CLEC12A: variants seen among roughly 807,000 people sequenced by gnomAD.
CLEC12A encodes the protein C-type lectin domain family 12 member A.
Under a neutral mutation model 26.5 loss-of-function variants are expected in CLEC12A, and 22 were observed. That is an observed-to-expected ratio of 0.83 (90% CI 0.59 to 1.19). CLEC12A has a LOEUF of 1.19. Ranked by LOEUF, CLEC12A falls within the 50% of genes most tolerant of loss-of-function variation. The pLI, the probability that CLEC12A is intolerant of heterozygous loss-of-function variation, is 0.00. For synonymous variants in CLEC12A, 119 were observed against 101.9 expected (o/e 1.17, Z -1.01); for missense variants, 353 against 315.6 (o/e 1.12, Z -0.90).
At position 9,985,588 on chromosome 12, in the gene CLEC12A, A is replaced by T; in HGVS notation, c.*562A>T. 2 of 398,150 alleles carry T rather than the reference A, an allele frequency of 5.0e-6. No homozygotes were observed. The highest frequency in any genetic ancestry group is 8.9e-6 in the Non-Finnish European group (2 of 225,778). 24.7% of individuals were successfully genotyped at this position (398,150 alleles called of 1,614,324 possible). ...AGTAAAAGCCAATAAACAAAAACGA[A>T]AAGGCAAGTTACGAGACTGACTTAT... is the stretch of plus-strand genomic sequence containing the variant. On this transcript the variant is annotated 3_prime_UTR_variant, in exon 6 of 6. Transcript: ENST00000304361.
intron 5 of CLEC12A, among the ~76,000 whole-genome samples, chr12:9,982,610 T>A (rs952810347): frequency 1.3e-5 from 2 of 152,150 alleles, no homozygotes; most frequent in Non-Finnish European, 2.9e-5. Context: ...GCAATGATAC[T>A]TTTGTTATAA....
downstream of CLEC12A, chr12:9,997,358 T>C: frequency 7.5e-7 from 1 of 1,330,372 alleles, no homozygotes; most frequent in Non-Finnish European, 1.0e-6. Flanking sequence ...TGAATTTTCA[T>C]TTCCTTAACT....
chr12:9,967,979 A>G (rs1864004784), upstream of CLEC12A, among the ~76,000 whole-genome samples: 1 of 152,172 alleles, frequency 6.6e-6, no homozygotes, highest in Non-Finnish European at 1.5e-5. Flanking sequence ...CTATGAATAA[A>G]ACGCGTCTCC....
chr12:9,993,130 C>T (rs1439336582), intron 4 of CLEC12A: 2 of 1,605,138 alleles, frequency 1.2e-6, no homozygotes, highest in Admixed American at 3.3e-5. Context: ...GTTATCCTGT[C>T]CACCTCTTTG....
Position 9,985,134 on chromosome 12 carries a change from G to A in CLEC12A, c.*108G>A. On this transcript the variant is annotated 3_prime_UTR_variant, in exon 6 of 6. Transcript: ENST00000304361. ...TTAGTTGAGTTTGTCTGAAGACCTGGGATTTTATCATGCAGATGAAACATC... is the reference window on the plus strand; with the variant it reads ...TTAGTTGAGTTTGTCTGAAGACCTGAGATTTTATCATGCAGATGAAACATC... 1 of 1,217,164 alleles carries A rather than the reference G, an allele frequency of 8.2e-7. No individual in the cohort carries two copies. Among genetic ancestry groups the A allele is most frequent in the Non-Finnish European group, 1.1e-6 (1 of 945,836 alleles). 75.4% of individuals were successfully genotyped at this position (1,217,164 alleles called of 1,614,324 possible).
At chr12:10,005,834 C>A in the CLEC12A span, among the ~76,000 whole-genome samples, 1 of 152,050 alleles carries the variant, frequency 6.6e-6, no homozygotes, top group Non-Finnish European at 1.5e-5. Context: ...GTCTTTGATA[C>A]CTCTGGCTTT....
At chr12:9,979,863 GA>G (rs2137182940) in intron 3 of CLEC12A, among the ~76,000 whole-genome samples, 1 of 151,834 alleles carries the variant, frequency 6.6e-6, no homozygotes, top group South Asian at 2.1e-4. Context: ...CTTTACAGGT[GA>G]CTTCATTCTT....
In CLEC12A at chr12:9,971,647, G is replaced by T; in HGVS notation, c.51G>T (p.Glu17Asp). 1 of 1,610,318 alleles carries T rather than the reference G, an allele frequency of 6.2e-7. No homozygotes were observed. Among genetic ancestry groups the T allele is most frequent in the Non-Finnish European group, 8.5e-7 (1 of 1,178,168 alleles). The change falls in exon 1 of 6, where the codon GAG (glutamate) becomes GAT (aspartate). Residue 17 changes from glutamate (E) to aspartate (D), a missense_variant. Transcript: ENST00000304361. ...YADLQFQNSSEMEKIPEIGKF... is the reference protein window; with the variant it reads ...YADLQFQNSSDMEKIPEIGKF... ...ATCTTCAATTCCAGAACTCCAGTGA[G>T]ATGGAAAAAATCCCAGAAATTGGCA...
downstream of CLEC12A, chr12:9,997,365 A>G: frequency 1.6e-6 from 2 of 1,263,238 alleles, no homozygotes; most frequent in Non-Finnish European, 2.2e-6. Context: ...TCATTTCCTT[A>G]ACTTTGCCAA....
At chr12:9,993,394 A>T in intron 4 of CLEC12A, 11 of 630,354 alleles carry the variant, frequency 1.7e-5, no homozygotes, top group Non-Finnish European at 2.7e-5. Flanking sequence ...TGAGGAAAAT[A>T]GGAAAAAAAA....
the CLEC12A span, among the ~76,000 whole-genome samples, chr12:10,001,472 T>C: frequency 6.6e-6 from 1 of 152,350 alleles, no homozygotes; most frequent in South Asian, 2.1e-4. Flanking sequence ...CTGAGAGTCT[T>C]ATATCTTATC....
chr12:9,976,989 G>A (rs1199891740), intron 1 of CLEC12A, among the ~76,000 whole-genome samples: 1 of 151,618 alleles, frequency 6.6e-6, no homozygotes, highest in African/African-American at 2.4e-5. Flanking sequence ...CCCCAGCCGC[G>A]TGAAACTGTG....
downstream of CLEC12A, chr12:9,999,262 C>T: frequency 5.9e-6 from 3 of 508,032 alleles, no homozygotes; most frequent in East Asian, 3.0e-5. Context: ...TTATTGTTTT[C>T]CAGGAAGCTT....
chr12:9,954,973 A>T (rs1203431303), intron 1 of CLEC12A, among the ~76,000 whole-genome samples: 2 of 152,250 alleles, frequency 1.3e-5, no homozygotes, highest in Non-Finnish European at 2.9e-5. Context: ...CCCAGCCAAG[A>T]ACAAAATTAT....
At chr12:9,992,329 C>T (rs1274845328) in intron 4 of CLEC12A, 1 of 152,098 alleles carries the variant, frequency 6.6e-6, no homozygotes. Flanking sequence ...TTCTCTAGCG[C>T]AGAAAATTAC....
downstream of CLEC12A, chr12:9,998,973 G>A: frequency 1.1e-6 from 1 of 946,774 alleles, no homozygotes; most frequent in Non-Finnish European, 1.7e-6. Context: ...AGTAGAAAAA[G>A]AAAGAATTGA....
At position 9,979,486 on chromosome 12, in the gene CLEC12A, C is replaced by T. The variant is rs1864467623; in HGVS notation, c.341C>T (p.Ala114Val). ...CTCTCCACCACACTGCAAACAATAGCCACCAAATTATGTCGTGAGCTATAT... is the reference window on the plus strand; with the variant it reads ...CTCTCCACCACACTGCAAACAATAGTCACCAAATTATGTCGTGAGCTATAT... ...RNLSTTLQTI[A>V]TKLCRELYSK... The change falls in exon 3 of 6, where the codon GCC becomes GTC. Residue 114 changes from alanine (A) to valine (V), a missense_variant. Transcript: ENST00000304361. 4 of 1,613,208 alleles carry T rather than the reference C, an allele frequency of 2.5e-6. No individual in the cohort carries two copies. The East Asian group carries it at 6.7e-5, about 27-fold the overall frequency.
chr12:9,996,699 G>T, downstream of CLEC12A: 1 of 808,172 alleles, frequency 1.2e-6, no homozygotes, highest in Non-Finnish European at 2.1e-6. Flanking sequence ...TCTGGGTTCT[G>T]TAATTCTTAC....
At chr12:9,967,928 A>G (rs1041324489), upstream of CLEC12A, among the ~76,000 whole-genome samples, 29 of 152,274 alleles carry the variant, frequency 1.9e-4, no homozygotes, top group Admixed American at 1.9e-3. Context: ...CAAAGGGAAG[A>G]CTGTCTTCCC....
Sources: allele counts gnomAD v4.1 joint callset (sites outside exome capture counted in the v4.1 genomes callset), GRCh38; gene constraint gnomAD v4.1.1; transcripts MANE v1.5; gene names NCBI Gene and HGNC (gene_info 2026-07-23, HGNC 2026-07-21).